Variants in ARHGAP15 observed in about 807,000 individuals in gnomAD.
ARHGAP15 encodes the protein rho GTPase-activating protein 15.
Under a neutral mutation model 63.7 loss-of-function variants are expected in ARHGAP15, and 51 were observed. The observed-to-expected ratio is 0.80, with a 90% CI of 0.64 to 1.01. The LOEUF (loss-of-function observed/expected upper bound fraction) is 1.01, where lower values mean the gene tolerates loss of function less well. ARHGAP15 is among the 50% of genes least tolerant of loss of function. The pLI is 0.00. For missense variants in ARHGAP15, 560 were observed against 564.6 expected (o/e 0.99, Z 0.08); for synonymous variants, 191 against 193.8 (o/e 0.99, Z 0.12).
intron 6 of ARHGAP15, among the ~76,000 whole-genome samples, chr2:143,302,904 T>C (rs1233361612): frequency 6.6e-6 from 1 of 151,626 alleles, no homozygotes; most frequent in African/African-American, 2.4e-5. Flanking sequence ...TCTGCTCCTC[T>C]GTAAATAAGT....
At chr2:143,762,003 A>G (rs1404530566) in intron 13 of ARHGAP15, among the ~76,000 whole-genome samples, 1 of 152,188 alleles carries the variant, frequency 6.6e-6, no homozygotes, top group African/African-American at 2.4e-5. Flanking sequence ...TCATGAACAA[A>G]TTCATAAAAT....
At chr2:143,667,598 AAAAAAG>A (rs1225119625) in intron 12 of ARHGAP15, among the ~76,000 whole-genome samples, 6 of 151,688 alleles carry the variant, frequency 4.0e-5, no homozygotes, top group African/African-American at 7.2e-5. Flanking sequence ...AAAAAAAAAA[AAAAAAG>A]AAAAGAAGTG....
rs941005806 is a variant in ARHGAP15 at position 143,176,284 on chromosome 2, T to A, written c.165+20629T>A. Among the ~76,000 whole-genome samples, 16 of 152,282 alleles carry A rather than the reference T, an allele frequency of 1.1e-4. 1 individual carries two copies. The East Asian group carries it at 1.9e-3, about 18-fold the overall frequency. On this transcript the variant is annotated intron_variant, in intron 2 of 13. Transcript: ENST00000295095. ...ATTATTCACCTATATCAATGAAACA[T>A]TTTACTCAGTTTTAGTTGCAGTTTT...
intron 13 of ARHGAP15, among the ~76,000 whole-genome samples, chr2:143,715,326 T>A (rs979288330): frequency 6.6e-6 from 1 of 152,128 alleles, no homozygotes; most frequent in Non-Finnish European, 1.5e-5. Context: ...CCACAAGACA[T>A]GGGAATTCTG....
chr2:143,383,321 A>G (rs1369650393), intron 6 of ARHGAP15, among the ~76,000 whole-genome samples: 3 of 152,214 alleles, frequency 2.0e-5, no homozygotes, highest in Non-Finnish European at 4.4e-5. Flanking sequence ...TTTCTCAAGC[A>G]GATTTCTTGG....
chr2:143,378,813 G>GAT (rs1686925432), intron 6 of ARHGAP15, among the ~76,000 whole-genome samples: 2 of 151,982 alleles, frequency 1.3e-5, no homozygotes, highest in African/African-American at 4.8e-5. Context: ...CCACAAACTG[G>GAT]ATAATCAATC....
rs149806518 is a variant in ARHGAP15, at chr2:143,341,496, T to C, written c.474+90896T>C. On this transcript the variant is annotated intron_variant, in intron 6 of 13. Coordinates refer to ENST00000295095, the MANE Select transcript of ARHGAP15 (RefSeq NM_018460.4). ...TTTCTGAAGTTAATTTAAAATAATA[T>C]ACAATCTGTTTGTCCCAGCTTCAGA... Among the ~76,000 whole-genome samples the C allele has an allele frequency of 2.6e-3, 396 of 152,240 alleles. 10 individuals carry two copies. The East Asian group carries it at 0.029, about 11-fold the overall frequency.
chr2:143,310,272 T>TG (rs1683379679), intron 6 of ARHGAP15, among the ~76,000 whole-genome samples: 4 of 152,086 alleles, frequency 2.6e-5, no homozygotes, highest in Admixed American at 2.6e-4. Context: ...GTTTGTTTCA[T>TG]CAATAAAAGC....
intron 2 of ARHGAP15, among the ~76,000 whole-genome samples, chr2:143,197,095 A>G (rs1398903977): frequency 2.0e-5 from 3 of 151,972 alleles, no homozygotes; most frequent in Non-Finnish European, 4.4e-5. Context: ...TTTTTATATC[A>G]GATACATTTT....
intron 2 of ARHGAP15, among the ~76,000 whole-genome samples, chr2:143,201,210 G>A (rs1304426916): frequency 2.0e-5 from 3 of 151,548 alleles, no homozygotes; most frequent in Non-Finnish European, 4.4e-5. Flanking sequence ...CCTGGCTCAA[G>A]TGATTCTCCC....
chr2:143,426,006 C>G (rs1203077647), intron 6 of ARHGAP15, among the ~76,000 whole-genome samples: 1 of 152,108 alleles, frequency 6.6e-6, no homozygotes, highest in Admixed American at 6.6e-5. Context: ...GAAATAGATA[C>G]CGTTCTTTCT....
At chr2:143,459,266 C>T (rs1690810165) in intron 8 of ARHGAP15, among the ~76,000 whole-genome samples, 1 of 151,522 alleles carries the variant, frequency 6.6e-6, no homozygotes, top group Admixed American at 6.6e-5. Flanking sequence ...TGCCAGCATC[C>T]AATCCAAGTT....
rs1275862310 is a variant in ARHGAP15 at position 143,568,208 on chromosome 2, GAAACT to G, written c.1003+11725_1003+11729del. ...ACTAAAGAGCTTCTGCACAGCAAAA[GAAACT>G]ACCATCAGAGTGAACAGGCAACCTA... On this transcript the variant is annotated intron_variant, in intron 11 of 13. Transcript: ENST00000295095. Among the ~76,000 whole-genome samples, 21 of 152,234 alleles carry G rather than the reference GAAACT, an allele frequency of 1.4e-4. 1 individual carries two copies. The highest frequency in any genetic ancestry group is 2.5e-4 in the Non-Finnish European group (17 of 68,016).
At chr2:143,477,190 G>GCA (rs59257825) in intron 8 of ARHGAP15, among the ~76,000 whole-genome samples, 3,582 of 147,510 alleles carry the variant, frequency 0.024, 107 homozygotes, top group African/African-American at 0.072. Context: ...ACACATGCTC[G>GCA]CACACACACA....
intron 10 of ARHGAP15, among the ~76,000 whole-genome samples, chr2:143,539,590 C>T (rs968445606): frequency 3.9e-5 from 6 of 152,084 alleles, no homozygotes; most frequent in African/African-American, 9.7e-5. Context: ...TCTTTGTTCT[C>T]GTTGGTTTCA....
intron 6 of ARHGAP15, among the ~76,000 whole-genome samples, chr2:143,332,481 A>G (rs929887699): frequency 3.9e-5 from 6 of 152,158 alleles, no homozygotes; most frequent in African/African-American, 1.4e-4. Context: ...TGAAGAGTAT[A>G]TGAGGGAAAA....
intron 9 of ARHGAP15, among the ~76,000 whole-genome samples, chr2:143,501,193 A>G (rs1220039131): frequency 6.6e-6 from 1 of 152,168 alleles, no homozygotes; most frequent in East Asian, 1.9e-4. Context: ...TTTCAGAAAA[A>G]CCATTGCTCC....
chr2:143,361,773 C>T (rs1030143814), intron 6 of ARHGAP15, among the ~76,000 whole-genome samples: 2 of 152,136 alleles, frequency 1.3e-5, no homozygotes, highest in African/African-American at 2.4e-5. Context: ...ACAATATTCA[C>T]ATCAGACTTC....
At chr2:143,174,953 A>C (rs1349494867) in intron 2 of ARHGAP15, among the ~76,000 whole-genome samples, 2 of 152,118 alleles carry the variant, frequency 1.3e-5, no homozygotes, top group Non-Finnish European at 2.9e-5. Context: ...AACGTTATTC[A>C]CTCCACTGCT....
Sources: gnomAD v4.1 joint callset for allele counts (sites outside exome capture counted in the v4.1 genomes callset) on GRCh38, gnomAD v4.1.1 for gene constraint, MANE v1.5 for transcripts, NCBI Gene and HGNC (gene_info 2026-07-23, HGNC 2026-07-21) for gene names.